Variants in WWOX observed in about 807,000 individuals in gnomAD.
The protein encoded by WWOX is WW domain containing oxidoreductase.
WWOX carries 69 observed loss-of-function variants against 46.2 expected under a neutral mutation model. The observed-to-expected ratio is 1.49, with a 90% CI of 1.23 to 1.82. The LOEUF is 1.82. WWOX is among the 40% of genes most tolerant of loss of function. The pLI is 0.00. For missense variants in WWOX, 919 were observed against 542.6 expected, an observed-to-expected ratio of 1.69 and a Z score of -6.89; for synonymous variants, 359 against 202.6, an observed-to-expected ratio of 1.77 and a Z score of -6.56.
chr16:78,577,504 T>G (rs1194063583), intron 8 of WWOX, among the ~76,000 whole-genome samples: 1 of 152,188 alleles, frequency 6.6e-6, no homozygotes, highest in African/African-American at 2.4e-5. Flanking sequence ...CATGCAGCCC[T>G]GGGTATGATG....
chr16:78,684,982 T>A (rs2047821659), intron 8 of WWOX, among the ~76,000 whole-genome samples: 1 of 151,998 alleles, frequency 6.6e-6, no homozygotes, highest in African/African-American at 2.4e-5. Flanking sequence ...CTTTGGGGAG[T>A]GTTCTCAATG....
intron 8 of WWOX, among the ~76,000 whole-genome samples, chr16:78,459,659 G>A (rs1242435875): frequency 6.6e-6 from 1 of 152,154 alleles, no homozygotes; most frequent in Non-Finnish European, 1.5e-5. Flanking sequence ...GCTGATGTTT[G>A]CCAATGGATA....
rs555985309 is a variant in WWOX at position 78,401,640 on chromosome 16, G to T, written c.605+14692G>T. On this transcript the variant is annotated intron_variant, in intron 6 of 8. Coordinates refer to ENST00000566780, the MANE Select transcript of WWOX (RefSeq NM_016373.4). The stretch of plus-strand genomic sequence containing the variant: ...AACGCATTTTGAGAATGTCAGTAAA[G>T]ATTTCTCAGAGCCCAGGGATTTTTT... 3.9e-5 allele frequency among the ~76,000 whole-genome samples: 6 copies of T among 152,260 alleles called. No homozygotes were observed. The South Asian group carries it at 1.2e-3, about 32-fold the overall frequency.
At chr16:78,381,355 T>C (rs2081953791) in intron 5 of WWOX, among the ~76,000 whole-genome samples, 1 of 152,148 alleles carries the variant, frequency 6.6e-6, no homozygotes, top group South Asian at 2.1e-4. Flanking sequence ...GAAGACTTAG[T>C]GTATTAAGGT....
In WWOX at chr16:78,974,658, C is replaced by T. The variant is rs1014458740; in HGVS notation, c.1057-236950C>T. ...ATGTCACCCGATGCAACTGTCTGTC[C>T]TGAAGAGGAGGACAGATTATTCTGT... On this transcript the variant is annotated intron_variant, in intron 8 of 8. Transcript: ENST00000566780. 2.0e-5 allele frequency among the ~76,000 whole-genome samples: 3 copies of T among 152,306 alleles called. No homozygotes were observed. In the East Asian group the frequency reaches 5.8e-4, roughly 29 times the overall value.
intron 8 of WWOX, among the ~76,000 whole-genome samples, chr16:79,065,434 T>C (rs577473062): frequency 4.3e-4 from 66 of 152,314 alleles, no homozygotes; most frequent in Non-Finnish European, 7.6e-4. Flanking sequence ...GATGAAATCA[T>C]TGAAGTGTGG....
chr16:78,914,457 A>C (rs1473803294), intron 8 of WWOX, among the ~76,000 whole-genome samples: 1 of 152,040 alleles, frequency 6.6e-6, no homozygotes, highest in Non-Finnish European at 1.5e-5. Flanking sequence ...ACAGTTCCAG[A>C]TTCATGAAAT....
At chr16:78,722,656 A>C (rs2048721357) in intron 8 of WWOX, among the ~76,000 whole-genome samples, 1 of 148,700 alleles carries the variant, frequency 6.7e-6, no homozygotes, top group Admixed American at 6.7e-5. Context: ...TAGAAGAGGG[A>C]TGTAACTGGA....
At chr16:78,830,782 T>A (rs951467634) in intron 8 of WWOX, among the ~76,000 whole-genome samples, 10 of 151,766 alleles carry the variant, frequency 6.6e-5, no homozygotes, top group Non-Finnish European at 1.3e-4. Flanking sequence ...CAGGGCCCCC[T>A]GGGAGTCAGA....
intron 5 of WWOX, among the ~76,000 whole-genome samples, chr16:78,212,938 G>A (rs1159919888): frequency 1.3e-5 from 2 of 152,122 alleles, no homozygotes; most frequent in Non-Finnish European, 2.9e-5. Context: ...ACCACAGATG[G>A]GAGGTAAGGG....
At chr16:78,678,473 C>T (rs924748995) in intron 8 of WWOX, among the ~76,000 whole-genome samples, 3 of 152,202 alleles carry the variant, frequency 2.0e-5, no homozygotes, top group Admixed American at 2.0e-4. Context: ...AACATTTGAG[C>T]ACCTGTTTGT....
At chr16:78,527,732 C>CTTTAGTTCAGTGGTTG (rs2043511380) in intron 8 of WWOX, among the ~76,000 whole-genome samples, 1 of 152,098 alleles carries the variant, frequency 6.6e-6, no homozygotes, top group African/African-American at 2.4e-5. Context: ...TGAACAGGTT[C>CTTTAGTTCAGTGGTTG]TTGATCAGGA....
chr16:79,015,250 A>AAG (rs2047390036), intron 8 of WWOX, among the ~76,000 whole-genome samples: 1 of 152,174 alleles, frequency 6.6e-6, no homozygotes, highest in Non-Finnish European at 1.5e-5. Flanking sequence ...GGGCCTAGCT[A>AAG]AGGGGAAAAA....
rs964566747 is a variant in WWOX, at chr16:78,347,472, A to G, written c.517-39388A>G. Among the ~76,000 whole-genome samples, 3 of 116,464 alleles carry G rather than the reference A, an allele frequency of 2.6e-5. 1 individual carries two copies. The highest frequency in any genetic ancestry group is 2.6e-4 in the South Asian group (1 of 3,800). 76.4% of individuals were successfully genotyped at this position (116,464 alleles called of 152,430 possible). ...ATAAAGTCACGCTGTTACCCCCACA[A>G]TGTCCCCCCACATATCATTGCTATC... On this transcript the variant is annotated intron_variant, in intron 5 of 8. Coordinates refer to ENST00000566780, the MANE Select transcript of WWOX (RefSeq NM_016373.4).
chr16:79,128,584 G>T (rs771950531), intron 8 of WWOX, among the ~76,000 whole-genome samples: 12 of 152,132 alleles, frequency 7.9e-5, no homozygotes, highest in Non-Finnish European at 1.5e-4. Flanking sequence ...CTTTATAACG[G>T]TTTGATTTCA....
intron 6 of WWOX, among the ~76,000 whole-genome samples, chr16:78,388,017 G>T (rs1276805375): frequency 5.9e-5 from 9 of 152,000 alleles, no homozygotes; most frequent in Non-Finnish European, 8.8e-5. Flanking sequence ...TGGCCCTGTG[G>T]GGAGCTGACA....
chr16:79,032,150 A>T (rs1012991586), intron 8 of WWOX, among the ~76,000 whole-genome samples: 3 of 145,434 alleles, frequency 2.1e-5, no homozygotes, highest in African/African-American at 7.5e-5. Context: ...GGGTAAAACA[A>T]AGTCTATAAA....
intron 8 of WWOX, among the ~76,000 whole-genome samples, chr16:78,998,893 G>A (rs748557589): frequency 1.1e-4 from 16 of 152,160 alleles, no homozygotes; most frequent in Non-Finnish European, 1.9e-4. Context: ...GGCGGTGTCC[G>A]ACTTTGTTAT....
At chr16:78,442,585 T>C (rs1019483643) in intron 8 of WWOX, among the ~76,000 whole-genome samples, 1 of 152,100 alleles carries the variant, frequency 6.6e-6, no homozygotes, top group African/African-American at 2.4e-5. Context: ...TACGATAAAT[T>C]GATTGCTTCT....
Sources: allele counts gnomAD v4.1 joint callset (sites outside exome capture counted in the v4.1 genomes callset), GRCh38; gene constraint gnomAD v4.1.1; transcripts MANE v1.5; gene names NCBI Gene and HGNC (gene_info 2026-07-23, HGNC 2026-07-21).